STAG2: variants seen among roughly 807,000 people sequenced by gnomAD.
STAG2 encodes STAG2 cohesin complex component.
A neutral mutation model predicts 108.1 loss-of-function variants in STAG2; 14 were observed. That is an observed-to-expected ratio of 0.13 (90% CI 0.09 to 0.20). The LOEUF (loss-of-function observed/expected upper bound fraction) is 0.20. STAG2 is among the 10% of genes least tolerant of loss of function. STAG2 has a pLI of 1.00. For missense variants in STAG2, 440 were observed against 940.9 expected, an observed-to-expected ratio of 0.47 and a Z score of 6.96; for synonymous variants, 307 against 302.7, an observed-to-expected ratio of 1.01 and a Z score of -0.15.
intron 1 of STAG2, among the ~76,000 whole-genome samples, chrX:124,019,052 C>CTTTT (rs751161706): frequency 0.014 from 1,096 of 79,657 alleles, 9 homozygotes; most frequent in African/African-American, 0.034. Flanking sequence ...ATTTAGCACT[C>CTTTT]TTTTTTTTTT....
chrX:124,086,835 G>C, intron 30 of STAG2, 65 bp downstream of exon 30: 2 of 872,764 alleles, frequency 2.3e-6, no homozygotes, highest in Non-Finnish European at 1.6e-6. Flanking sequence ...TGTCATTAAG[G>C]TTCACCTTAT....
Position 124,068,546 on chromosome X carries a change from A to C in STAG2, c.2266-18A>C. On this transcript the variant is annotated intron_variant, in intron 23 of 34. Transcript: ENST00000371145. Reference sequence around the variant, plus strand: ...TTTATACAATATTTTTTAAAAGTTAATGTTAAATTTTTTCAAGGAGGACTT... The same window carrying C: ...TTTATACAATATTTTTTAAAAGTTACTGTTAAATTTTTTCAAGGAGGACTT... The C allele has an allele frequency of 9.0e-7, 1 of 1,114,814 alleles. No individual in the cohort carries two copies. Among genetic ancestry groups the C allele is most frequent in the Non-Finnish European group, 1.2e-6 (1 of 828,108 alleles). The allele number at this position is 1,114,814 out of a possible 1,213,427, so 91.9% of individuals were successfully genotyped here.
chrX:124,051,097 ATCTTT>A lies in STAG2; in HGVS notation c.1018-22_1018-18del. ...ACATAGAGTTTTAATGCATTGTCTCATCTTTTTTTTTTTTTTTTTTTAGCAAGGTG... is the reference window on the plus strand; with the variant it reads ...ACATAGAGTTTTAATGCATTGTCTCATTTTTTTTTTTTTTTTAGCAAGGTG... On this transcript the variant is annotated intron_variant, in intron 11 of 34. Transcript: ENST00000371145. 1.4e-6 allele frequency: 1 copy of A among 734,782 alleles called. No individual in the cohort carries two copies. Among genetic ancestry groups the A allele is most frequent in the Non-Finnish European group, 2.0e-6 (1 of 506,924 alleles). The allele number at this position is 734,782 out of a possible 1,213,427, so 60.6% of individuals were successfully genotyped here. A position where few individuals can be genotyped will look rare whatever the true frequency, so the allele number is the denominator to read the frequency against.
At chrX:123,982,287 T>C (rs1342252989) in intron 1 of STAG2, among the ~76,000 whole-genome samples, 1 of 111,098 alleles carries the variant, frequency 9.0e-6, no homozygotes, top group Non-Finnish European at 1.9e-5. Context: ...CAGTGAGCTG[T>C]GGTCATACCA....
intron 28 of STAG2, among the ~76,000 whole-genome samples, chrX:124,082,918 T>G (rs1157093949): frequency 9.0e-6 from 1 of 111,503 alleles, no homozygotes; most frequent in Non-Finnish European, 1.9e-5. Flanking sequence ...AATGTTGGGT[T>G]GTTATTTTGA....
intron 23 of STAG2, among the ~76,000 whole-genome samples, chrX:124,068,136 G>A (rs983735070): frequency 1.3e-4 from 14 of 111,519 alleles, no homozygotes; most frequent in Admixed American, 1.9e-4. Context: ...AAATACAGCA[G>A]TATCCTTCCA....
chrX:124,088,047 TG>T (rs989713919), intron 30 of STAG2, among the ~76,000 whole-genome samples: 1 of 112,292 alleles, frequency 8.9e-6, no homozygotes, highest in African/African-American at 3.2e-5. Context: ...GAAACTTTTC[TG>T]TTTTTTAAAA....
At chrX:124,000,380 C>G (rs140683599) in intron 1 of STAG2, among the ~76,000 whole-genome samples, 1,530 of 111,412 alleles carry the variant, frequency 0.014, 31 homozygotes, top group African/African-American at 0.047. Flanking sequence ...TTACTTATAA[C>G]AAATTGTGGC....
chrX:124,093,029 T>G (rs182262129), intron 32 of STAG2, among the ~76,000 whole-genome samples: 64 of 111,674 alleles, frequency 5.7e-4, no homozygotes, highest in African/African-American at 2.0e-3. Context: ...GCTGGGGTTT[T>G]GGCAACTTTC....
intron 13 of STAG2, among the ~76,000 whole-genome samples, chrX:124,055,535 G>T (rs965573583): frequency 8.9e-5 from 10 of 112,344 alleles, no homozygotes; most frequent in Non-Finnish European, 1.1e-4. Context: ...GGCTTATTTT[G>T]TTCTTTAAAG....
intron 23 of STAG2, among the ~76,000 whole-genome samples, chrX:124,066,873 C>T (rs2058544935): frequency 8.9e-6 from 1 of 111,788 alleles, no homozygotes; most frequent in African/African-American, 3.3e-5. Flanking sequence ...ATATAATGTG[C>T]CAGCGCCAGC....
At chrX:123,966,033 T>G (rs779829760) in intron 1 of STAG2, among the ~76,000 whole-genome samples, 1 of 110,945 alleles carries the variant, frequency 9.0e-6, no homozygotes, top group Admixed American at 9.6e-5. Flanking sequence ...ATGTACAGTT[T>G]ACTATATAAT....
rs1603210352 is a variant in STAG2 at position 124,102,467 on chromosome X, A to G, written c.*1870A>G. ...CTGATTTGTATTTATGTCTTGAGAC[A>G]GTAACTTTTTGAATAAAAATAAACC... On this transcript the variant is annotated 3_prime_UTR_variant, in exon 35 of 35. Transcript: ENST00000371145. The G allele has an allele frequency of 6.5e-6, 1 of 153,521 alleles. No individual in the cohort carries two copies. Among genetic ancestry groups the G allele is most frequent in the East Asian group, 1.0e-4 (1 of 9,923 alleles). The allele number at this position is 153,521 out of a possible 1,213,427, so 12.7% of individuals were successfully genotyped here.
chrX:124,009,662 T>C (rs2056456112), intron 1 of STAG2, among the ~76,000 whole-genome samples: 1 of 111,145 alleles, frequency 9.0e-6, no homozygotes, highest in African/African-American at 3.3e-5. Flanking sequence ...TACCCTGGCT[T>C]TAAGTTGTGT....
intron 10 of STAG2, 122 bp from the exon 11 acceptor site, chrX:124,050,064 C>A: frequency 1.2e-6 from 1 of 814,914 alleles, no homozygotes. Flanking sequence ...TTTTTTAATC[C>A]CTAGTAATAA....
chrX:124,093,927 A>T (rs947589201), intron 32 of STAG2, 91 bp from the exon 33 acceptor site: 2 of 970,464 alleles, frequency 2.1e-6, no homozygotes, highest in Admixed American at 2.7e-5. Flanking sequence ...ATTTTCCATT[A>T]TACTTGAATA....
intron 20 of STAG2, among the ~76,000 whole-genome samples, chrX:124,064,785 T>C (rs1160784357): frequency 9.0e-6 from 1 of 111,623 alleles, no homozygotes; most frequent in African/African-American, 3.3e-5. Context: ...ATTATTATTA[T>C]AGCCGCTGCT....
chrX:124,013,200 C>T (rs1335767534), intron 1 of STAG2, among the ~76,000 whole-genome samples: 1 of 111,395 alleles, frequency 9.0e-6, no homozygotes, highest in Non-Finnish European at 1.9e-5. Flanking sequence ...ATAGCCACTA[C>T]ACCAAGTTGT....
At chrX:124,061,686 G>GTAA in intron 16 of STAG2, 85 bp from the exon 17 acceptor site, 1 of 687,262 alleles carries the variant, frequency 1.5e-6, no homozygotes, top group Non-Finnish European at 2.0e-6. Context: ...AGAAGAAACT[G>GTAA]TTATGTAATA....
Sources: allele counts gnomAD v4.1 joint callset (sites outside exome capture counted in the v4.1 genomes callset), GRCh38; gene constraint gnomAD v4.1.1; transcripts MANE v1.5; gene names NCBI Gene and HGNC (gene_info 2026-07-23, HGNC 2026-07-21).